Variants in AP4S1 observed in about 807,000 individuals in gnomAD.
The protein encoded by AP4S1 is AP-4 complex subunit sigma-1.
In AP4S1, 23 loss-of-function variants were observed where a neutral mutation model predicts 19.8. The observed-to-expected ratio is 1.16, with a 90% CI of 0.84 to 1.65. The LOEUF is 1.65. Ranked by LOEUF, AP4S1 falls within the 40% of genes most tolerant of loss-of-function variation. AP4S1 has a pLI of 0.00. For missense variants in AP4S1, 166 were observed against 172.8 expected, an observed-to-expected ratio of 0.96 and a Z score of 0.22; for synonymous variants, 46 against 54.1, an observed-to-expected ratio of 0.85 and a Z score of 0.66.
chr14:31,078,013 C>T (rs1000896056), intron 4 of AP4S1, among the ~76,000 whole-genome samples: 6 of 152,268 alleles, frequency 3.9e-5, no homozygotes, highest in South Asian at 2.1e-4. Context: ...GGATTACAGG[C>T]GTGAGCCACC....
At chr14:31,049,712 A>G (rs896250644) in intron 1 of AP4S1, among the ~76,000 whole-genome samples, 1 of 151,728 alleles carries the variant, frequency 6.6e-6, no homozygotes, top group African/African-American at 2.4e-5. Context: ...GCTGGAGTAC[A>G]GTGGCACAAT....
In AP4S1 at chr14:31,084,881, G is replaced by C. The variant is rs1235078176; in HGVS notation, c.306+4297G>C. The C allele has an allele frequency of 6.2e-7, 1 of 1,614,184 alleles. No homozygotes were observed. The highest frequency in any genetic ancestry group is 8.5e-7 in the Non-Finnish European group (1 of 1,180,044). On this transcript the variant is annotated intron_variant, in intron 5 of 5. Transcript: ENST00000542754. ...GCTGCCTCCACCACCCCCATCTACT[G>C]AATAGCCAGGGGAGGGCACCAATGA...
At chr14:31,046,554 G>C (rs959209661) in intron 1 of AP4S1, among the ~76,000 whole-genome samples, 1 of 152,136 alleles carries the variant, frequency 6.6e-6, no homozygotes, top group Non-Finnish European at 1.5e-5. Flanking sequence ...ATACTTAGAA[G>C]TAGAATTGCG....
rs184389706 is a variant in AP4S1, at chr14:31,057,556, A to G, written c.-71-8570A>G. Among the ~76,000 whole-genome samples the G allele has an allele frequency of 2.4e-3, 370 of 152,224 alleles. 2 individuals carry two copies. Among genetic ancestry groups the G allele is most frequent in the African/African-American group, 8.5e-3 (354 of 41,550 alleles). ...TTTCTCTGGGCATTAAGTTTACATCATGTGGTTGCTGGGACATGGATCTGA... is the reference window on the plus strand; with the variant it reads ...TTTCTCTGGGCATTAAGTTTACATCGTGTGGTTGCTGGGACATGGATCTGA... On this transcript the variant is annotated intron_variant, in intron 1 of 5. Coordinates refer to ENST00000542754, the MANE Select transcript of AP4S1 (RefSeq NM_001128126.3).
In AP4S1 at chr14:31,066,279, G is replaced by A. The variant is rs201972703; in HGVS notation, c.83G>A (p.Arg28His). ...TATGAACATGTGGATATTAATAAGC[G>A]TACACTTCTGGAAACAGAAGTCATA... ...KYYEHVDINK[R>H]TLLETEVIKS... The change falls in exon 2 of 6, where the codon CGT (arginine) becomes CAT (histidine). Residue 28 changes from arginine (R) to histidine (H), a missense_variant. By Grantham distance (29) the Arg-to-His change is conservative (BLOSUM62 0). Coordinates refer to ENST00000542754, the MANE Select transcript of AP4S1 (RefSeq NM_001128126.3). 98 of 1,613,836 alleles carry A rather than the reference G, an allele frequency of 6.1e-5. No homozygotes were observed. The Middle Eastern group carries it at 9.9e-4, about 16-fold the overall frequency.
At chr14:31,027,016 C>T (rs1884036380) in intron 1 of AP4S1, 2 of 152,228 alleles carry the variant, frequency 1.3e-5, no homozygotes, top group Admixed American at 6.6e-5. Flanking sequence ...TGTCTTGAGC[C>T]TGGGCTTTGG....
intron 1 of AP4S1, among the ~76,000 whole-genome samples, chr14:31,052,589 A>G (rs973950917): frequency 1.3e-4 from 20 of 151,892 alleles, no homozygotes; most frequent in Non-Finnish European, 1.8e-4. Context: ...TTAGGCAGGC[A>G]TGGTGGTGAG....
intron 1 of AP4S1, among the ~76,000 whole-genome samples, chr14:31,032,425 G>T (rs911888194): frequency 6.6e-6 from 1 of 151,970 alleles, no homozygotes; most frequent in African/African-American, 2.4e-5. Flanking sequence ...AAACTCAAAT[G>T]TCTTCTTATC....
intron 5 of AP4S1, chr14:31,083,455 C>T (rs1245481731): frequency 4.5e-6 from 2 of 448,410 alleles, no homozygotes; most frequent in Non-Finnish European, 4.4e-6. Context: ...GTAGAGCAGG[C>T]AGCAGAGAAG....
intron 1 of AP4S1, among the ~76,000 whole-genome samples, chr14:31,030,709 C>T (rs1314495530): frequency 6.6e-6 from 1 of 152,022 alleles, no homozygotes; most frequent in Non-Finnish European, 1.5e-5. Flanking sequence ...CTCTACTGCT[C>T]CCTGCTGATC....
chr14:31,031,879 T>A (rs891942422), intron 1 of AP4S1, among the ~76,000 whole-genome samples: 7 of 151,854 alleles, frequency 4.6e-5, no homozygotes, highest in Non-Finnish European at 1.5e-5. Flanking sequence ...TTGCTGATAA[T>A]CTTCAACAAT....
chr14:31,085,855 T>C, intron 5 of AP4S1: 1 of 984,528 alleles, frequency 1.0e-6, no homozygotes, highest in African/African-American at 1.7e-5. Context: ...CAGTTGATTC[T>C]AGAGCCCTAA....
At chr14:31,035,886 A>T (rs1884731282) in intron 1 of AP4S1, among the ~76,000 whole-genome samples, 1 of 151,840 alleles carries the variant, frequency 6.6e-6, no homozygotes. Context: ...GCCCGCCACA[A>T]GGCCCGGCTA....
At chr14:31,068,157 C>T (rs965734055) in intron 2 of AP4S1, among the ~76,000 whole-genome samples, 5 of 152,222 alleles carry the variant, frequency 3.3e-5, no homozygotes, top group Non-Finnish European at 7.3e-5. Flanking sequence ...CATGAGCCAC[C>T]ACGCCCGGCC....
intron 1 of AP4S1, among the ~76,000 whole-genome samples, chr14:31,046,092 G>T (rs533093014): frequency 2.8e-4 from 43 of 151,192 alleles, no homozygotes; most frequent in African/African-American, 1.0e-3. Flanking sequence ...TCAGTCTCCC[G>T]AGTAGCTGGG....
In AP4S1 at chr14:31,080,512, C is replaced by T. The variant is rs1244734059; in HGVS notation, c.295-61C>T. ...CAGAAGCCTCTTCAGTCTGACTCTG[C>T]TAAGAGCAGTGGTCCCCAGTGTCTT... On this transcript the variant is annotated intron_variant, in intron 4 of 5. Coordinates refer to ENST00000542754, the MANE Select transcript of AP4S1 (RefSeq NM_001128126.3). The T allele has an allele frequency of 5.5e-5, 78 of 1,407,256 alleles. 1 individual carries two copies. The South Asian group carries it at 9.1e-4, about 16-fold the overall frequency. The allele number at this position is 1,407,256 out of a possible 1,614,324, so 87.2% of individuals were successfully genotyped here. A position where few individuals can be genotyped will look rare whatever the true frequency, so the allele number is the denominator to read the frequency against.
intron 1 of AP4S1, chr14:31,026,771 C>T (rs534038964): frequency 6.6e-6 from 1 of 152,460 alleles, no homozygotes; most frequent in African/African-American, 2.4e-5. Context: ...GGGTCTCTCA[C>T]CCGTGTCCCG....
chr14:31,064,187 T>G (rs1170769052), intron 1 of AP4S1, among the ~76,000 whole-genome samples: 2 of 152,214 alleles, frequency 1.3e-5, no homozygotes, highest in Non-Finnish European at 2.9e-5. Flanking sequence ...TCCATGCATG[T>G]GCTTGGCCTT....
At chr14:31,071,090 C>G (rs1886974961) in intron 3 of AP4S1, among the ~76,000 whole-genome samples, 1 of 152,008 alleles carries the variant, frequency 6.6e-6, no homozygotes, top group African/African-American at 2.4e-5. Flanking sequence ...CCAGAGAAAA[C>G]TCTAAAGATG....
Sources: gnomAD v4.1 joint callset for allele counts (sites outside exome capture counted in the v4.1 genomes callset) on GRCh38, gnomAD v4.1.1 for gene constraint, MANE v1.5 for transcripts, NCBI Gene and HGNC (gene_info 2026-07-23, HGNC 2026-07-21) for gene names.